The following LNX2 variants were observed in gnomAD, a reference collection of about 807,000 sequenced individuals.
The protein encoded by LNX2 is ligand of numb-protein X 2.
Under a neutral mutation model 66.2 loss-of-function variants are expected in LNX2, and 35 were observed. The ratio of observed to expected loss-of-function variants is 0.53; its 90% CI spans 0.40 to 0.70. The LOEUF is 0.70. Among genes scored for constraint, LNX2 ranks in the 30% least tolerant of loss-of-function variants. The pLI, the probability that LNX2 is intolerant of heterozygous loss-of-function variation, is 0.00. For missense variants in LNX2, 791 were observed against 850.8 expected (o/e 0.93, Z 0.87); for synonymous variants, 337 against 315.6 (o/e 1.07, Z -0.72).
At chr13:27,583,201 T>TGCGCGCGCGCGCGC (rs1566124631) in intron 1 of LNX2, among the ~76,000 whole-genome samples, 2 of 14,024 alleles carry the variant, frequency 1.4e-4, no homozygotes, top group African/African-American at 4.7e-4. Flanking sequence ...TGTGTGTGTG[T>TGCGCGCGCGCGCGC]GTGTGTGTGT....
chr13:27,577,550 TA>T (rs370455827), intron 2 of LNX2, among the ~76,000 whole-genome samples: 109 of 149,532 alleles, frequency 7.3e-4, no homozygotes, highest in African/African-American at 2.0e-3. Flanking sequence ...CTGATAAGCT[TA>T]AAAAAAAAAT....
chr13:27,583,255 T>TGTGTGTGTGTGCGCGCGCGCGCGC (rs1555268514), intron 1 of LNX2, among the ~76,000 whole-genome samples: 1 of 58,530 alleles, frequency 1.7e-5, no homozygotes, highest in Non-Finnish European at 3.2e-5. Context: ...TGTGTGTGTG[T>TGTGTGTGTGTGCGCGCGCGCGCGC]GCGCGCGTCC....
At chr13:27,587,295 T>A (rs767475169) in intron 1 of LNX2, among the ~76,000 whole-genome samples, 9 of 151,816 alleles carry the variant, frequency 5.9e-5, no homozygotes, top group Non-Finnish European at 1.2e-4. Context: ...GCTCCCCCCC[T>A]TCCCTTCTGC....
Position 27,556,226 on chromosome 13 carries a change from C to CCCATCTTACCTCTCTTTATTCTG in LNX2, c.1533_1546+9dup, listed in dbSNP as rs1955058570. 1.9e-6 allele frequency: 3 copies of CCCATCTTACCTCTCTTTATTCTG among 1,600,864 alleles called. No individual in the cohort carries two copies. The highest frequency in any genetic ancestry group is 3.5e-5 in the Admixed American group (2 of 57,046). ...AAGATGTGGTAAAATTTTTCAAGAT[C>CCCATCTTACCTCTCTTTATTCTG]CCATCTTACCTCTCTTTATTCTGCC... On this transcript the variant is annotated intron_variant, in intron 7 of 9. Transcript: ENST00000316334.
At chr13:27,596,115 T>A (rs1218346249) in intron 1 of LNX2, among the ~76,000 whole-genome samples, 1 of 152,196 alleles carries the variant, frequency 6.6e-6, no homozygotes, top group East Asian at 1.9e-4. Flanking sequence ...ATATGTGGAT[T>A]TTTTTCAATG....
At chr13:27,567,543 A>G in intron 4 of LNX2, 97 bp downstream of exon 4, 1 of 913,984 alleles carries the variant, frequency 1.1e-6, no homozygotes, top group Admixed American at 2.2e-5. Context: ...ACTAATCTAT[A>G]TATAATTTAG....
chr13:27,587,378 CTCTT>C (rs1174743158), intron 1 of LNX2, among the ~76,000 whole-genome samples: 2 of 152,252 alleles, frequency 1.3e-5, no homozygotes, highest in African/African-American at 4.8e-5. Context: ...GCCTCCCCTC[CTCTT>C]TGAGGGTAAA....
rs1555268513 is a variant in LNX2 at position 27,583,255 on chromosome 13, T to TGCGTGTGCGCGCGCGC, written c.-100-1453_-100-1452insGCGCGCGCGCACACGC. Reference sequence around the variant, plus strand: ...GTGTGTGTGTGTGTGTGTGTGTGTGTGCGCGCGTCCTCTCCAACATACTTA... The same window carrying TGCGTGTGCGCGCGCGC: ...GTGTGTGTGTGTGTGTGTGTGTGTGTGCGTGTGCGCGCGCGCGCGCGCGTCCTCTCCAACATACTTA... On this transcript the variant is annotated intron_variant, in intron 1 of 9. Transcript: ENST00000316334. Among the ~76,000 whole-genome samples the TGCGTGTGCGCGCGCGC allele has an allele frequency of 3.4e-5, 2 of 58,530 alleles. 1 individual carries two copies. The highest frequency in any genetic ancestry group is 1.4e-3 in the East Asian group (2 of 1,394). 38.4% of individuals were successfully genotyped at this position (58,530 alleles called of 152,430 possible). A position where few individuals can be genotyped will look rare whatever the true frequency, so the allele number is the denominator to read the frequency against.
At chr13:27,573,709 CCAAT>C (rs1009275839) in intron 2 of LNX2, among the ~76,000 whole-genome samples, 19 of 152,014 alleles carry the variant, frequency 1.2e-4, no homozygotes, top group African/African-American at 4.6e-4. Flanking sequence ...AATTCTCTGT[CCAAT>C]CATTAGCTGT....
At chr13:27,612,504 T>A (rs1368956188) in intron 1 of LNX2, among the ~76,000 whole-genome samples, 4 of 152,258 alleles carry the variant, frequency 2.6e-5, no homozygotes, top group African/African-American at 7.2e-5. Context: ...AAACACCCTA[T>A]GCCAGCATCA....
chr13:27,556,927 C>A (rs966950388), intron 6 of LNX2, among the ~76,000 whole-genome samples: 2 of 152,134 alleles, frequency 1.3e-5, no homozygotes, highest in Admixed American at 6.5e-5. Context: ...GAAGAAGATG[C>A]AAATCTACCT....
At chr13:27,560,842 A>G (rs1388554637) in intron 5 of LNX2, among the ~76,000 whole-genome samples, 4 of 152,116 alleles carry the variant, frequency 2.6e-5, no homozygotes, top group Non-Finnish European at 4.4e-5. Flanking sequence ...CTTTAAAGAA[A>G]TTGTGGTACA....
rs142578558 is a variant in LNX2 at position 27,594,693 on chromosome 13, C to T, written c.-100-12890G>A. Among the ~76,000 whole-genome samples the T allele has an allele frequency of 5.7e-3, 871 of 152,114 alleles. 5 individuals carry two copies. Among genetic ancestry groups the T allele is most frequent in the African/African-American group, 0.02 (830 of 41,484 alleles). On this transcript the variant is annotated intron_variant, in intron 1 of 9. Transcript: ENST00000316334. ...GGTCTTTATTCCCCTCTAAATGATC[C>T]GCTTCCTCAAGGCACGCCTATATTC...
At position 27,548,029 on chromosome 13, in the gene LNX2, ACTCCAT is replaced by A; in HGVS notation, c.*300_*305del. ...AACAAAGACCCACCAGAAGGTCTTT[ACTCCAT>A]CTGGGGCACAGTTTGGGTGAGCTTT... is the stretch of plus-strand genomic sequence containing the variant. On this transcript the variant is annotated 3_prime_UTR_variant, in exon 10 of 10. Coordinates refer to ENST00000316334, the MANE Select transcript of LNX2 (RefSeq NM_153371.4). The A allele has an allele frequency of 3.1e-6, 1 of 320,726 alleles. No homozygotes were observed. The highest frequency in any genetic ancestry group is 5.8e-6 in the Non-Finnish European group (1 of 173,042). 19.9% of individuals were successfully genotyped at this position (320,726 alleles called of 1,614,324 possible).
chr13:27,560,565 G>GCATATATATATA (rs1242930383), intron 5 of LNX2, among the ~76,000 whole-genome samples: 5 of 119,960 alleles, frequency 4.2e-5, no homozygotes, highest in Non-Finnish European at 8.7e-5. Flanking sequence ...ATGTATGTGT[G>GCATATATATATA]TATATATATA....
chr13:27,550,013 T>C (rs1186740474), intron 9 of LNX2, among the ~76,000 whole-genome samples: 3 of 152,250 alleles, frequency 2.0e-5, no homozygotes, highest in Non-Finnish European at 4.4e-5. Context: ...ATCAGATTAA[T>C]GAAACATAGC....
chr13:27,597,132 G>GGCCTATCCTTATCAGAA (rs1955607133), intron 1 of LNX2, among the ~76,000 whole-genome samples: 1 of 152,210 alleles, frequency 6.6e-6, no homozygotes, highest in Non-Finnish European at 1.5e-5. Flanking sequence ...CCTTATCAGA[G>GGCCTATCCTTATCAGAA]ATCAATCTGT....
intron 1 of LNX2, among the ~76,000 whole-genome samples, chr13:27,612,903 T>C (rs1452381541): frequency 6.6e-6 from 1 of 152,226 alleles, no homozygotes; most frequent in African/African-American, 2.4e-5. Flanking sequence ...TTTAACCCAA[T>C]ATATGCAGAA....
intron 1 of LNX2, among the ~76,000 whole-genome samples, chr13:27,611,341 C>CA (rs774100555): frequency 3.3e-5 from 5 of 152,114 alleles, no homozygotes; most frequent in Non-Finnish European, 7.4e-5. Flanking sequence ...GTGAAATAAG[C>CA]AAGTCACACA....
Sources: allele counts gnomAD v4.1 joint callset (sites outside exome capture counted in the v4.1 genomes callset), GRCh38; gene constraint gnomAD v4.1.1; transcripts MANE v1.5; gene names NCBI Gene and HGNC (gene_info 2026-07-23, HGNC 2026-07-21).